Variants in CDC42BPA observed in about 807,000 individuals in gnomAD.
CDC42BPA encodes the protein CDC42 binding protein kinase alpha.
In CDC42BPA, 80 loss-of-function variants were observed where a neutral mutation model predicts 223.5. That is an observed-to-expected ratio of 0.36 (90% CI 0.30 to 0.43). The LOEUF is 0.43. CDC42BPA is among the 20% of genes least tolerant of loss of function. The pLI is 1.00. For missense variants in CDC42BPA, 1,743 were observed against 2,099.9 expected (o/e 0.83, Z 3.32); for synonymous variants, 694 against 718.6 (o/e 0.97, Z 0.55).
At chr1:227,206,194 A>G (rs1672690407) in intron 3 of CDC42BPA, among the ~76,000 whole-genome samples, 1 of 152,274 alleles carries the variant, frequency 6.6e-6, no homozygotes, top group Admixed American at 6.5e-5. Flanking sequence ...ACAAATGTGA[A>G]GACAGAAGTA....
In CDC42BPA at chr1:226,994,056, G is replaced by A; in HGVS notation, c.*212C>T. ...TGGAATGAAATCAACGTTAATCTAAGCTGCTACGGAAAGTCTGTCTTTGTT... is the reference window on the plus strand; with the variant it reads ...TGGAATGAAATCAACGTTAATCTAAACTGCTACGGAAAGTCTGTCTTTGTT... On this transcript the variant is annotated 3_prime_UTR_variant, in exon 37 of 37. Coordinates refer to ENST00000366766, the MANE Select transcript of CDC42BPA (RefSeq NM_001394014.1). This position sits in a 1 kb window ranked among gnomAD's most constrained non-coding sequence, Gnocchi z 4.0. 2 of 517,534 alleles carry A rather than the reference G, an allele frequency of 3.9e-6. No individual in the cohort carries two copies. The highest frequency in any genetic ancestry group is 3.5e-6 in the Non-Finnish European group (1 of 289,530). The allele number at this position is 517,534 out of a possible 1,614,324, so 32.1% of individuals were successfully genotyped here. A position where few individuals can be genotyped will look rare whatever the true frequency, so the allele number is the denominator to read the frequency against.
intron 1 of CDC42BPA, among the ~76,000 whole-genome samples, chr1:227,276,884 G>C (rs549386737): frequency 6.6e-5 from 10 of 152,070 alleles, no homozygotes; most frequent in South Asian, 2.1e-4. Flanking sequence ...CAGCATGCTC[G>C]TTAAGAGTCA....
intron 1 of CDC42BPA, among the ~76,000 whole-genome samples, chr1:227,261,629 CA>C (rs1462323332): frequency 1.3e-5 from 2 of 151,856 alleles, no homozygotes; most frequent in East Asian, 3.9e-4. Flanking sequence ...GAAAAATAAT[CA>C]AAACTTTAAA....
chr1:227,302,676 A>G (rs1416909490), intron 1 of CDC42BPA, among the ~76,000 whole-genome samples: 3 of 151,978 alleles, frequency 2.0e-5, no homozygotes. Context: ...GTTCTACAAC[A>G]TTTTCTTGTA....
chr1:227,088,454 A>C (rs1175947722), intron 16 of CDC42BPA, among the ~76,000 whole-genome samples: 1 of 152,238 alleles, frequency 6.6e-6, no homozygotes, highest in Non-Finnish European at 1.5e-5. Context: ...GATTGTATAC[A>C]TGATTGCAAT....
chr1:227,251,312 G>A (rs1681965664), intron 2 of CDC42BPA, among the ~76,000 whole-genome samples: 1 of 151,906 alleles, frequency 6.6e-6, no homozygotes, highest in South Asian at 2.1e-4. Flanking sequence ...TAATTGCCAG[G>A]GGAACACATA....
intron 35 of CDC42BPA, among the ~76,000 whole-genome samples, chr1:227,003,431 A>C (rs1663307933): frequency 6.6e-6 from 1 of 152,230 alleles, no homozygotes; most frequent in African/African-American, 2.4e-5. Flanking sequence ...AAAGTTACAG[A>C]AAAGCAACCT....
intron 1 of CDC42BPA, among the ~76,000 whole-genome samples, chr1:227,259,754 ACTTAGAAGTAATAG>A (rs1489417611): frequency 6.6e-6 from 1 of 151,020 alleles, no homozygotes; most frequent in African/African-American, 2.5e-5. Context: ...GGACACACCA[ACTTAGAAGTAATAG>A]CTTAGAAGTA....
chr1:227,132,813 C>T (rs1657487690), intron 10 of CDC42BPA, among the ~76,000 whole-genome samples: 2 of 151,080 alleles, frequency 1.3e-5, no homozygotes, highest in Admixed American at 6.6e-5. Context: ...AGCGCCTCTG[C>T]CCGGCCGCAA....
At chr1:227,006,302 C>T (rs967835406) in intron 34 of CDC42BPA, among the ~76,000 whole-genome samples, 1 of 152,172 alleles carries the variant, frequency 6.6e-6, no homozygotes, top group Non-Finnish European at 1.5e-5. Context: ...GTCAGCCAGC[C>T]TCTCCTTCAT....
At chr1:227,062,832 A>G (rs1676204464) in intron 21 of CDC42BPA, among the ~76,000 whole-genome samples, 1 of 149,000 alleles carries the variant, frequency 6.7e-6, no homozygotes, top group Non-Finnish European at 1.5e-5. Flanking sequence ...GTTTAACATA[A>G]AAAAAAAAAA....
chr1:227,278,819 T>G (rs12409411), intron 1 of CDC42BPA, among the ~76,000 whole-genome samples: 46,738 of 151,972 alleles, frequency 0.31, 7,357 homozygotes, highest in East Asian at 0.37. Context: ...TTTTTGTACT[T>G]TATTTTGAAT....
intron 35 of CDC42BPA, 61 bp from the exon 36 acceptor site, chr1:226,995,041 A>G (rs2148221367): frequency 6.7e-7 from 1 of 1,487,620 alleles, no homozygotes; most frequent in Admixed American, 1.8e-5. Context: ...TCTAGAAAGC[A>G]CACAGACTGC....
chr1:227,146,174 C>T (rs1660674733), intron 7 of CDC42BPA, among the ~76,000 whole-genome samples: 1 of 152,080 alleles, frequency 6.6e-6, no homozygotes, highest in Non-Finnish European at 1.5e-5. Context: ...ATTTAACCCT[C>T]AAAACAGTCA....
intron 7 of CDC42BPA, 23 bp downstream of exon 7, chr1:227,147,336 G>T: frequency 1.3e-6 from 2 of 1,558,984 alleles, no homozygotes; most frequent in South Asian, 2.3e-5. Context: ...ACATTAATTT[G>T]AACAAAAGTA....
intron 27 of CDC42BPA, 138 bp downstream of exon 27, chr1:227,033,196 G>A (rs1669625641): frequency 1.8e-6 from 1 of 563,070 alleles, no homozygotes; most frequent in Admixed American, 3.0e-5. Context: ...ATACCTTCAA[G>A]TACTGGATGA....
At chr1:227,149,175 T>G (rs12141869) in intron 6 of CDC42BPA, among the ~76,000 whole-genome samples, 32,619 of 152,164 alleles carry the variant, frequency 0.21, 3,631 homozygotes, top group East Asian at 0.27. Flanking sequence ...TTCATCTATC[T>G]TGACTAATGT....
intron 1 of CDC42BPA, among the ~76,000 whole-genome samples, chr1:227,285,431 T>C (rs186771951): frequency 1.3e-5 from 2 of 152,222 alleles, no homozygotes; most frequent in Non-Finnish European, 2.9e-5. Context: ...AAATTGCCTA[T>C]GAAAAGCAAA....
At chr1:227,313,443 C>A (rs1472947660) in intron 1 of CDC42BPA, among the ~76,000 whole-genome samples, 1 of 152,132 alleles carries the variant, frequency 6.6e-6, no homozygotes, top group Admixed American at 6.5e-5. Flanking sequence ...ATTGAACACA[C>A]TTCTACCATG....
Sources: gnomAD v4.1 joint callset for allele counts (sites outside exome capture counted in the v4.1 genomes callset) on GRCh38, gnomAD v4.1.1 for gene constraint, Gnocchi (gnomAD v3.1) non-coding constraint, MANE v1.5 for transcripts, NCBI Gene and HGNC (gene_info 2026-07-23, HGNC 2026-07-21) for gene names.